Variants in H2BK1 observed in about 807,000 individuals in gnomAD.
The protein encoded by H2BK1 is histone H2B type 2-K1.
chr7:151,209,933 G>A, the H2BK1 span, among the ~76,000 whole-genome samples: 1 of 152,152 alleles, frequency 6.6e-6, no homozygotes, highest in African/African-American at 2.4e-5. Context: ...ACCTAATCAC[G>A]TTATCTCATC....
the H2BK1 span, chr7:151,210,295 C>T: frequency 7.5e-6 from 3 of 399,014 alleles, no homozygotes; most frequent in African/African-American, 2.1e-5. Context: ...CGGGCTGCTG[C>T]CGCTGTCCAT....
the H2BK1 span, among the ~76,000 whole-genome samples, chr7:151,208,352 A>AT: frequency 6.6e-6 from 1 of 152,228 alleles, no homozygotes; most frequent in African/African-American, 2.4e-5. Flanking sequence ...AGGTAACATG[A>AT]TTAAGCTCCT....
chr7:151,209,615 A>G, the H2BK1 span, among the ~76,000 whole-genome samples: 6 of 152,282 alleles, frequency 3.9e-5, no homozygotes, highest in African/African-American at 1.4e-4. Flanking sequence ...AGACGGACAC[A>G]CAGGAAGGAT....
chr7:151,208,051 T>C, the H2BK1 span: 1 of 1,614,174 alleles, frequency 6.2e-7, no homozygotes, highest in Non-Finnish European at 8.5e-7. Flanking sequence ...ACACGTCGTT[T>C]ACAAACGAGT....
the H2BK1 span, chr7:151,207,896 A>G: frequency 2.7e-5 from 29 of 1,061,304 alleles, no homozygotes; most frequent in Non-Finnish European, 4.3e-5. Context: ...GTACTTGGTG[A>G]CAGCCTTGGT....
the H2BK1 span, chr7:151,208,153 AG>A: frequency 1.4e-3 from 1,307 of 927,578 alleles, 4 homozygotes; most frequent in Middle Eastern, 7.1e-3. Context: ...GGGCCAGGGG[AG>A]GGGGGGTCCT....
the H2BK1 span, chr7:151,207,893 G>A: frequency 1.9e-6 from 2 of 1,047,194 alleles, no homozygotes; most frequent in Non-Finnish European, 3.0e-6. Flanking sequence ...GGTGTACTTG[G>A]TGACAGCCTT....
At chr7:151,208,039 A>G in the H2BK1 span, 2 of 1,613,944 alleles carry the variant, frequency 1.2e-6, no homozygotes, top group East Asian at 2.2e-5. Flanking sequence ...CCAGCTGCTC[A>G]AACACGTCGT....
the H2BK1 span, chr7:151,210,233 C>T: frequency 2.5e-4 from 98 of 399,192 alleles, 1 homozygote; most frequent in African/African-American, 1.8e-3. Context: ...CTCCTTGCGC[C>T]GACAGCGCTT....
the H2BK1 span, chr7:151,210,117 C>T: frequency 2.5e-6 from 1 of 397,336 alleles, no homozygotes; most frequent in African/African-American, 2.1e-5. Context: ...AAGGTCCCCA[C>T]TTCCAGCCAG....
the H2BK1 span, among the ~76,000 whole-genome samples, chr7:151,208,386 G>A: frequency 6.6e-6 from 1 of 152,248 alleles, no homozygotes. Flanking sequence ...ACAAGCATCT[G>A]TATTTAACAA....
chr7:151,208,132 G>A, the H2BK1 span: 1 of 1,478,458 alleles, frequency 6.8e-7, no homozygotes, highest in Non-Finnish European at 9.4e-7. Context: ...GCACCACTCG[G>A]TTAATGGAAG....
the H2BK1 span, among the ~76,000 whole-genome samples, chr7:151,208,880 C>A: frequency 6.6e-6 from 1 of 152,158 alleles, no homozygotes; most frequent in South Asian, 2.1e-4. Context: ...TAGACCTGGT[C>A]AGATGTGAAG....
chr7:151,207,907 GC>G, the H2BK1 span: 1 of 1,103,636 alleles, frequency 9.1e-7, no homozygotes, highest in African/African-American at 1.5e-5. Context: ...CAGCCTTGGT[GC>G]CCTCAGACAC....
the H2BK1 span, among the ~76,000 whole-genome samples, chr7:151,209,197 C>T: frequency 2.0e-5 from 3 of 152,074 alleles, no homozygotes; most frequent in Non-Finnish European, 4.4e-5. Flanking sequence ...CGGGCTAAGA[C>T]ACAAGGCTCA....
At chr7:151,210,339 C>T in the H2BK1 span, 2 of 398,292 alleles carry the variant, frequency 5.0e-6, no homozygotes, top group Non-Finnish European at 8.9e-6. Flanking sequence ...CTCGAATAGC[C>T]CTCACCCACC....
the H2BK1 span, chr7:151,210,047 G>T: frequency 2.5e-6 from 1 of 394,194 alleles, no homozygotes; most frequent in Non-Finnish European, 4.5e-6. Flanking sequence ...ACCAGGTCCC[G>T]CCACCTCAAG....
chr7:151,208,621 T>A, the H2BK1 span, among the ~76,000 whole-genome samples: 1 of 152,224 alleles, frequency 6.6e-6, no homozygotes, highest in African/African-American at 2.4e-5. Flanking sequence ...GAGGCGGGAC[T>A]GTAGTGTCAA....
the H2BK1 span, among the ~76,000 whole-genome samples, chr7:151,208,652 G>C: frequency 2.6e-5 from 4 of 152,156 alleles, no homozygotes; most frequent in African/African-American, 9.7e-5. Flanking sequence ...CATATAACTT[G>C]GTGGAGCACA....
Sources: allele counts gnomAD v4.1 joint callset (sites outside exome capture counted in the v4.1 genomes callset), GRCh38; gene constraint gnomAD v4.1.1; transcripts MANE v1.5; gene names NCBI Gene and HGNC (gene_info 2026-07-23, HGNC 2026-07-21).